Variants in SNTB2 observed in about 807,000 individuals in gnomAD.
The protein encoded by SNTB2 is beta-2-syntrophin.
In SNTB2, 34 loss-of-function variants were observed where a neutral mutation model predicts 46.2. That is an observed-to-expected ratio of 0.74 (90% confidence interval 0.56 to 0.98). SNTB2 has a LOEUF of 0.98. Among genes scored for constraint, SNTB2 ranks in the 50% least tolerant of loss-of-function variants. The pLI is 0.00. For synonymous variants in SNTB2, 290 were observed against 312.6 expected (o/e 0.93, Z 0.76); for missense variants, 603 against 731.4 (o/e 0.82, Z 2.02).
chr16:69,197,183 T>A (rs1256019873), intron 1 of SNTB2, among the ~76,000 whole-genome samples: 1 of 152,210 alleles, frequency 6.6e-6, no homozygotes, highest in Non-Finnish European at 1.5e-5. Flanking sequence ...AAACTGCACA[T>A]AAGTGAATCC....
intron 3 of SNTB2, among the ~76,000 whole-genome samples, chr16:69,261,141 C>T (rs778056081): frequency 6.6e-6 from 1 of 151,660 alleles, no homozygotes; most frequent in Non-Finnish European, 1.5e-5. Flanking sequence ...TCGAAACTTA[C>T]GTTTTGAATC....
At chr16:69,225,708 A>G (rs977333185) in intron 1 of SNTB2, among the ~76,000 whole-genome samples, 9 of 152,212 alleles carry the variant, frequency 5.9e-5, no homozygotes, top group African/African-American at 1.9e-4. Context: ...TGTGTCAAAC[A>G]TTTTAAAGAT....
chr16:69,293,599 G>A (rs967563449), intron 5 of SNTB2, among the ~76,000 whole-genome samples: 1 of 152,180 alleles, frequency 6.6e-6, no homozygotes, highest in African/African-American at 2.4e-5. Context: ...TTGATATGAA[G>A]AGGAGGAGAG....
At chr16:69,300,594 G>A (rs566784554) in intron 6 of SNTB2, among the ~76,000 whole-genome samples, 2 of 152,228 alleles carry the variant, frequency 1.3e-5, no homozygotes, top group South Asian at 4.1e-4. Flanking sequence ...TACCAGGCAT[G>A]GTGAAACCCA....
intron 5 of SNTB2, among the ~76,000 whole-genome samples, chr16:69,299,274 C>T (rs1965257182): frequency 1.3e-5 from 2 of 152,056 alleles, no homozygotes; most frequent in South Asian, 4.2e-4. Flanking sequence ...TCCTGAGTAG[C>T]TGGGATTACA....
intron 1 of SNTB2, among the ~76,000 whole-genome samples, chr16:69,195,854 G>A (rs1964100458): frequency 6.6e-6 from 1 of 152,164 alleles, no homozygotes; most frequent in Admixed American, 6.5e-5. Flanking sequence ...CCCATCCCTT[G>A]TGTATTGAGG....
At chr16:69,257,096 G>A (rs564346021) in intron 2 of SNTB2, among the ~76,000 whole-genome samples, 2 of 151,718 alleles carry the variant, frequency 1.3e-5, no homozygotes, top group Admixed American at 6.6e-5. Flanking sequence ...GCTTGAACCC[G>A]GCAGTCAGAG....
At chr16:69,293,676 G>T (rs1965196228) in intron 5 of SNTB2, among the ~76,000 whole-genome samples, 1 of 152,128 alleles carries the variant, frequency 6.6e-6, no homozygotes, top group Non-Finnish European at 1.5e-5. Context: ...TAATGAGAGA[G>T]GCTTGAGCAT....
chr16:69,212,687 T>G (rs575205644), intron 1 of SNTB2, among the ~76,000 whole-genome samples: 1 of 150,782 alleles, frequency 6.6e-6, no homozygotes, highest in Non-Finnish European at 1.5e-5. Flanking sequence ...CTGGCTGGAG[T>G]GCAATGGCAC....
intron 1 of SNTB2, among the ~76,000 whole-genome samples, chr16:69,223,966 T>C (rs560622813): frequency 4.6e-4 from 70 of 152,158 alleles, no homozygotes; most frequent in African/African-American, 1.6e-3. Context: ...TTTATGACCT[T>C]GACACTTTAG....
intron 5 of SNTB2, among the ~76,000 whole-genome samples, chr16:69,288,432 C>T (rs1965127077): frequency 6.6e-6 from 1 of 152,052 alleles, no homozygotes. Flanking sequence ...TGTTCTTATT[C>T]ACAGCTGTAT....
chr16:69,189,694 A>AT (rs1331052896), intron 1 of SNTB2, among the ~76,000 whole-genome samples: 1 of 152,196 alleles, frequency 6.6e-6, no homozygotes, highest in East Asian at 1.9e-4. Context: ...CCAAGATCTC[A>AT]CCACTGCACT....
At chr16:69,247,181 T>G (rs1045186135) in intron 2 of SNTB2, among the ~76,000 whole-genome samples, 8 of 152,044 alleles carry the variant, frequency 5.3e-5, no homozygotes, top group Non-Finnish European at 1.0e-4. Flanking sequence ...TGGTTCTGGC[T>G]GAATCAACCA....
Position 69,301,188 on chromosome 16 carries a change from G to T in SNTB2, c.*264G>T. On this transcript the variant is annotated 3_prime_UTR_variant, in exon 7 of 7. Transcript: ENST00000336278. ...TCAAAATATGGTTTATGAGTAATTA[G>T]GTTTATTTCTACTGCTAAAAAGAAT... 8 of 313,062 alleles carry T rather than the reference G, an allele frequency of 2.6e-5. No homozygotes were observed. The highest frequency in any genetic ancestry group is 1.6e-4 in the South Asian group (2 of 12,744). 19.4% of individuals were successfully genotyped at this position (313,062 alleles called of 1,614,324 possible).
rs3087058 is a variant in SNTB2, at chr16:69,284,459, T to TAA, written c.1345+247_1345+248dup. Reference sequence around the variant, plus strand: ...CAACATGGTGAAACCCCGTCTTTACTAAAAAAAAAAAAAAAAAAAAAAAAA... The same window carrying TAA: ...CAACATGGTGAAACCCCGTCTTTACTAAAAAAAAAAAAAAAAAAAAAAAAAAA... On this transcript the variant is annotated intron_variant, in intron 5 of 6. Transcript: ENST00000336278. Among the ~76,000 whole-genome samples the TAA allele has an allele frequency of 3.7e-3, 169 of 45,906 alleles. 6 individuals are homozygous for TAA. The highest frequency in any genetic ancestry group is 0.031 in the East Asian group (29 of 932). The allele number at this position is 45,906 out of a possible 152,430, so 30.1% of individuals were successfully genotyped here. A position where few individuals can be genotyped will look rare whatever the true frequency, so the allele number is the denominator to read the frequency against.
At position 69,187,208 on chromosome 16, in the gene SNTB2, G is replaced by C. The variant is rs774774417; in HGVS notation, c.42G>C (p.Pro14=). 2.8e-6 allele frequency: 4 copies of C among 1,422,482 alleles called. No homozygotes were observed. Among genetic ancestry groups the C allele is most frequent in the Non-Finnish European group, 3.7e-6 (4 of 1,088,040 alleles). The allele number at this position is 1,422,482 out of a possible 1,614,324, so 88.1% of individuals were successfully genotyped here. A position where few individuals can be genotyped will look rare whatever the true frequency, so the allele number is the denominator to read the frequency against. Residue 14 remains proline (P), a synonymous_variant, in exon 1 of 7, where the codon CCG becomes CCC. Transcript: ENST00000336278. ...AAATAAAGAG[P]AMAVWTRATK... ...CGACTGCGGCGGCTGGAGCGGGGCC[G>C]GCCATGGCGGTGTGGACGCGGGCCA... is the stretch of plus-strand genomic sequence containing the variant.
chr16:69,198,361 G>A (rs769237366), intron 1 of SNTB2, among the ~76,000 whole-genome samples: 6 of 152,028 alleles, frequency 3.9e-5, no homozygotes, highest in South Asian at 2.1e-4. Context: ...CACCAGCCTC[G>A]GCCTCCCAAA....
At chr16:69,239,113 C>G (rs889779347) in intron 1 of SNTB2, among the ~76,000 whole-genome samples, 6 of 152,296 alleles carry the variant, frequency 3.9e-5, no homozygotes, top group Admixed American at 3.9e-4. Flanking sequence ...CTAACACTGT[C>G]TCCCTGGCTG....
chr16:69,245,280 G>C (rs1460674059), intron 1 of SNTB2, among the ~76,000 whole-genome samples: 1 of 152,020 alleles, frequency 6.6e-6, no homozygotes, highest in Non-Finnish European at 1.5e-5. Flanking sequence ...TGCAGCCACC[G>C]CCTCCCGGGT....
Sources: allele counts gnomAD v4.1 joint callset (sites outside exome capture counted in the v4.1 genomes callset), GRCh38; gene constraint gnomAD v4.1.1; transcripts MANE v1.5; gene names NCBI Gene and HGNC (gene_info 2026-07-23, HGNC 2026-07-21).